CSMD3: variants seen among roughly 807,000 people sequenced by gnomAD.
The protein encoded by CSMD3 is CUB and Sushi multiple domains 3.
Under a neutral mutation model 435.2 loss-of-function variants are expected in CSMD3, and 177 were observed. That is an observed-to-expected ratio of 0.41 (90% confidence interval 0.36 to 0.46). The LOEUF (loss-of-function observed/expected upper bound fraction) is 0.46. CSMD3 is among the 20% of genes least tolerant of loss of function. The pLI is 0.34. For missense variants in CSMD3, 4,265 were observed against 4,504.6 expected (o/e 0.95, Z 1.52); for synonymous variants, 1,656 against 1,520.5 (o/e 1.09, Z -2.07).
At chr8:112,501,725 G>A (rs1821983174) in intron 30 of CSMD3, among the ~76,000 whole-genome samples, 3 of 152,138 alleles carry the variant, frequency 2.0e-5, no homozygotes, top group Non-Finnish European at 4.4e-5. Flanking sequence ...ATATGTTCAT[G>A]AGGACATGTA....
In CSMD3 at chr8:113,280,590, ATC is replaced by A. The variant is rs536506876; in HGVS notation, c.402-1888_402-1887del. Among the ~76,000 whole-genome samples the A allele has an allele frequency of 1.8e-3, 270 of 151,856 alleles. 1 individual carries two copies. Among genetic ancestry groups the A allele is most frequent in the South Asian group, 9.3e-3 (45 of 4,824 alleles). ...ATCTTGTGAATGGTCTATCCATTTTATCTTTTTGAAGGACCAGCTTTTTGTTT... is the reference window on the plus strand; with the variant it reads ...ATCTTGTGAATGGTCTATCCATTTTATTTTTGAAGGACCAGCTTTTTGTTT... On this transcript the variant is annotated intron_variant, in intron 2 of 70. Coordinates refer to ENST00000297405, the MANE Select transcript of CSMD3 (RefSeq NM_198123.2).
intron 22 of CSMD3, among the ~76,000 whole-genome samples, chr8:112,608,918 T>C (rs1030409410): frequency 6.6e-6 from 1 of 151,880 alleles, no homozygotes; most frequent in Non-Finnish European, 1.5e-5. Context: ...AAAAAAGTGC[T>C]CTATAATTGT....
intron 4 of CSMD3, among the ~76,000 whole-genome samples, chr8:113,129,215 G>A: frequency 6.6e-6 from 1 of 152,116 alleles, no homozygotes; most frequent in Non-Finnish European, 1.5e-5. Flanking sequence ...GAAATTCAGT[G>A]ACTGCAGCTC....
chr8:113,400,439 A>G (rs1203914005), intron 1 of CSMD3, among the ~76,000 whole-genome samples: 1 of 151,932 alleles, frequency 6.6e-6, no homozygotes, highest in Non-Finnish European at 1.5e-5. Flanking sequence ...TGTTTTTTGC[A>G]CTAATCTAAA....
chr8:112,547,407 G>C (rs928866379), intron 27 of CSMD3, among the ~76,000 whole-genome samples: 1 of 152,010 alleles, frequency 6.6e-6, no homozygotes, highest in Admixed American at 6.6e-5. Flanking sequence ...AAAAATTAGT[G>C]AAGTGTGGTG....
chr8:113,185,179 C>T (rs568260544), intron 3 of CSMD3, among the ~76,000 whole-genome samples: 150 of 152,170 alleles, frequency 9.9e-4, no homozygotes, highest in African/African-American at 2.7e-3. Flanking sequence ...CCACCCCCAT[C>T]AGGCACTTAA....
chr8:113,127,755 A>G (rs111331917), intron 4 of CSMD3, among the ~76,000 whole-genome samples: 6 of 152,100 alleles, frequency 3.9e-5, no homozygotes, highest in Non-Finnish European at 8.8e-5. Context: ...CTCCCCTCCT[A>G]TAATGCTTCA....
chr8:112,457,115 A>C (rs112509586), intron 32 of CSMD3, among the ~76,000 whole-genome samples: 3,377 of 152,200 alleles, frequency 0.022, 81 homozygotes, highest in Middle Eastern at 0.048. Flanking sequence ...ATAGGATTCT[A>C]ATTCTAGTGC....
intron 10 of CSMD3, among the ~76,000 whole-genome samples, chr8:112,875,099 G>C (rs1248406623): frequency 1.3e-5 from 2 of 152,090 alleles, no homozygotes; most frequent in Admixed American, 6.6e-5. Context: ...AGGAGCTCTT[G>C]TAAATCAGGC....
intron 52 of CSMD3, among the ~76,000 whole-genome samples, chr8:112,302,389 T>C (rs1034611423): frequency 6.6e-5 from 10 of 152,232 alleles, no homozygotes; most frequent in Non-Finnish European, 1.2e-4. Flanking sequence ...TAAACCAACA[T>C]TAAAATAATA....
intron 27 of CSMD3, among the ~76,000 whole-genome samples, chr8:112,533,676 G>A (rs541781005): frequency 2.4e-4 from 37 of 152,040 alleles, no homozygotes; most frequent in Non-Finnish European, 5.3e-4. Context: ...AATAGTGGGG[G>A]ACTTCAACAC....
chr8:113,035,631 G>A (rs978471093), intron 5 of CSMD3, among the ~76,000 whole-genome samples: 19 of 151,974 alleles, frequency 1.3e-4, no homozygotes, highest in Non-Finnish European at 2.1e-4. Flanking sequence ...GAAATTTACT[G>A]TAAATAAAAT....
chr8:112,366,971 A>G (rs1052932478), intron 38 of CSMD3, among the ~76,000 whole-genome samples: 1 of 151,974 alleles, frequency 6.6e-6, no homozygotes, highest in African/African-American at 2.4e-5. Context: ...TTCCCTTTTT[A>G]TATACATTCA....
chr8:112,319,178 T>C (rs1235544264), intron 46 of CSMD3, among the ~76,000 whole-genome samples: 2 of 152,106 alleles, frequency 1.3e-5, no homozygotes, highest in African/African-American at 4.8e-5. Flanking sequence ...CCCTCTGTAC[T>C]GGTGCATGCT....
intron 38 of CSMD3, 26 bp downstream of exon 38, chr8:112,380,326 T>C (rs1376055540): frequency 1.6e-6 from 2 of 1,228,588 alleles, no homozygotes; most frequent in East Asian, 2.3e-5. Context: ...TTAACCTTTT[T>C]GAATGGCACA....
chr8:112,487,691 G>C (rs1325207425), intron 31 of CSMD3, among the ~76,000 whole-genome samples: 1 of 152,098 alleles, frequency 6.6e-6, no homozygotes, highest in East Asian at 1.9e-4. Flanking sequence ...AGAGGTAAGA[G>C]ACGGCAGATG....
intron 12 of CSMD3, among the ~76,000 whole-genome samples, chr8:112,822,367 C>T (rs145144455): frequency 0.01 from 1,544 of 152,216 alleles, 11 homozygotes; most frequent in South Asian, 0.016. Context: ...AGGTCCTTCA[C>T]ATCCCTTGTA....
At chr8:112,715,034 T>A (rs1427429939) in intron 13 of CSMD3, among the ~76,000 whole-genome samples, 1 of 151,510 alleles carries the variant, frequency 6.6e-6, no homozygotes. Context: ...CAAGAGCAAA[T>A]AAATCCAAAA....
intron 28 of CSMD3, among the ~76,000 whole-genome samples, chr8:112,508,709 C>T (rs1207863777): frequency 6.6e-6 from 1 of 152,120 alleles, no homozygotes; most frequent in African/African-American, 2.4e-5. Flanking sequence ...ATCTTACAGC[C>T]TTAGTATTCC....
Sources: gnomAD v4.1 joint callset for allele counts (sites outside exome capture counted in the v4.1 genomes callset) on GRCh38, gnomAD v4.1.1 for gene constraint, MANE v1.5 for transcripts, NCBI Gene and HGNC (gene_info 2026-07-23, HGNC 2026-07-21) for gene names.